SDK2: variants seen among roughly 807,000 people sequenced by gnomAD.
SDK2 encodes the protein protein sidekick-2.
In SDK2, 105 loss-of-function variants were observed where a neutral mutation model predicts 253.9. The ratio of observed to expected loss-of-function variants is 0.41; its 90% confidence interval spans 0.35 to 0.49. The LOEUF (loss-of-function observed/expected upper bound fraction) is 0.49. Ranked by LOEUF, SDK2 falls within the 20% of genes least tolerant of loss-of-function variation. The pLI is 0.06. For missense variants in SDK2, 2,608 were observed against 3,003.0 expected (o/e 0.87, Z 3.07); for synonymous variants, 1,249 against 1,234.9 (o/e 1.01, Z -0.24).
At chr17:73,485,441 CG>C (rs1300297354) in intron 2 of SDK2, among the ~76,000 whole-genome samples, 2 of 152,126 alleles carry the variant, frequency 1.3e-5, no homozygotes, top group Non-Finnish European at 2.9e-5. Flanking sequence ...GCTGGGATAA[CG>C]GGGAGGCTGG....
chr17:73,530,157 C>T (rs1045670056), intron 1 of SDK2, among the ~76,000 whole-genome samples: 1 of 152,166 alleles, frequency 6.6e-6, no homozygotes, highest in Non-Finnish European at 1.5e-5. Context: ...TTATGACAGT[C>T]CCCTCCTGCA....
chr17:73,370,031 C>T (rs975937184), intron 36 of SDK2, among the ~76,000 whole-genome samples: 2 of 152,182 alleles, frequency 1.3e-5, no homozygotes. Context: ...CCAGCTGGGC[C>T]CAGCCACGTG....
chr17:73,550,792 C>T (rs2045043125), intron 1 of SDK2, among the ~76,000 whole-genome samples: 1 of 152,180 alleles, frequency 6.6e-6, no homozygotes, highest in Admixed American at 6.5e-5. Flanking sequence ...ATCGGTGACA[C>T]AAGAGGCCTC....
intron 1 of SDK2, among the ~76,000 whole-genome samples, chr17:73,608,154 G>A (rs188562132): frequency 6.6e-6 from 1 of 152,214 alleles, no homozygotes; most frequent in Admixed American, 6.5e-5. Flanking sequence ...CCTTGGGACT[G>A]TGACAGTTTC....
At chr17:73,547,061 AG>A (rs1315797066) in intron 1 of SDK2, among the ~76,000 whole-genome samples, 3 of 152,224 alleles carry the variant, frequency 2.0e-5, no homozygotes, top group Non-Finnish European at 4.4e-5. Context: ...CCCCTGAGTC[AG>A]GGTGGTTGGT....
At chr17:73,503,054 G>A (rs1195546536) in intron 2 of SDK2, among the ~76,000 whole-genome samples, 2 of 152,318 alleles carry the variant, frequency 1.3e-5, no homozygotes, top group East Asian at 1.9e-4. Context: ...AACCCACATT[G>A]AGGGAAATTC....
intron 1 of SDK2, among the ~76,000 whole-genome samples, chr17:73,552,281 C>T (rs1442974918): frequency 6.6e-6 from 1 of 152,250 alleles, no homozygotes; most frequent in Non-Finnish European, 1.5e-5. Context: ...TTTAACGACA[C>T]ATTTTTTCAA....
chr17:73,526,533 C>T (rs1335670561), intron 1 of SDK2, among the ~76,000 whole-genome samples: 1 of 152,176 alleles, frequency 6.6e-6, no homozygotes, highest in Non-Finnish European at 1.5e-5. Flanking sequence ...TGGTGACGAT[C>T]AGAGTCCTAG....
chr17:73,387,896 C>T lies in SDK2; in HGVS notation c.4334G>A (p.Gly1445Asp). ...YTIQTRELPSGRWALHSASVS... is the reference protein window; with the variant it reads ...YTIQTRELPSDRWALHSASVS... ...GGAGGCCGAGTGCAGTGCCCACCTG[C>T]CGCTGGGCAGCTCGCGGGTCTGGAT... The change falls in exon 30 of 45, where the codon GGC becomes GAC. Residue 1445 changes from glycine to aspartate, a missense_variant. Physicochemically the swap from Gly to Asp is moderately conservative, Grantham distance 94 (BLOSUM62 -1). Coordinates refer to ENST00000392650, the MANE Select transcript of SDK2 (RefSeq NM_001144952.2). 1 of 1,592,708 alleles carries T rather than the reference C, an allele frequency of 6.3e-7. No individual in the cohort carries two copies. Among genetic ancestry groups the T allele is most frequent in the Non-Finnish European group, 8.5e-7 (1 of 1,170,406 alleles).
chr17:73,343,932 A>G (rs2062460975), intron 44 of SDK2, among the ~76,000 whole-genome samples: 1 of 152,152 alleles, frequency 6.6e-6, no homozygotes, highest in Non-Finnish European at 1.5e-5. Context: ...TGGAAGCAGG[A>G]GCCCCTCCCT....
intron 3 of SDK2, among the ~76,000 whole-genome samples, chr17:73,463,693 C>G (rs1368593384): frequency 6.6e-6 from 1 of 152,168 alleles, no homozygotes; most frequent in Non-Finnish European, 1.5e-5. Flanking sequence ...ATATAGTCTT[C>G]CGTGATTTGC....
intron 1 of SDK2, among the ~76,000 whole-genome samples, chr17:73,615,011 G>C (rs75987429): frequency 0.091 from 13,742 of 150,982 alleles, 700 homozygotes; most frequent in Middle Eastern, 0.13. Context: ...GTTTGTAAAG[G>C]CTGCTCCTAA....
chr17:73,520,743 C>T (rs751279492), intron 1 of SDK2: 2 of 152,364 alleles, frequency 1.3e-5, no homozygotes, highest in Non-Finnish European at 2.9e-5. Flanking sequence ...GCAGAAGCTT[C>T]AGGCAGGGCC....
rs761034315 is a variant in SDK2 at position 73,350,250 on chromosome 17, C to T, written c.6025G>A (p.Gly2009Ser). ...AGGGCCCAGTACCTGGTGTACAGGC[C>T]GTTCTTTCGGCAGAAAGAGTTCTTG... ...SVKNSFCRKN[G>S]LYTRSPPRPS... The change falls in exon 43 of 45, where the codon GGC (glycine) becomes AGC (serine). Residue 2009 changes from glycine (G) to serine (S), a missense_variant. Physicochemically the swap from Gly to Ser is moderately conservative, Grantham distance 56. Around this residue, in one of 2 missense-constraint regions of SDK2, gnomAD observed 1,103 missense variants for 1,143.9 expected, o/e 0.96. Coordinates refer to ENST00000392650, the MANE Select transcript of SDK2 (RefSeq NM_001144952.2). 25 of 1,597,314 alleles carry T rather than the reference C, an allele frequency of 1.6e-5. No homozygotes were observed. The highest frequency in any genetic ancestry group is 2.3e-5 in the East Asian group (1 of 44,332).
At chr17:73,605,851 C>A (rs372536113) in intron 1 of SDK2, among the ~76,000 whole-genome samples, 1 of 152,136 alleles carries the variant, frequency 6.6e-6, no homozygotes, top group African/African-American at 2.4e-5. Context: ...ACTGGCAGAT[C>A]GGTAGTCCCT....
At chr17:73,442,149 G>T (rs778637108) in intron 5 of SDK2, among the ~76,000 whole-genome samples, 18 of 152,238 alleles carry the variant, frequency 1.2e-4, no homozygotes, top group African/African-American at 1.7e-4. Context: ...AAAAGAGGAA[G>T]AGGCCAGAGC....
At chr17:73,386,657 G>T in intron 30 of SDK2, 109 bp from the exon 31 acceptor site, 1 of 744,484 alleles carries the variant, frequency 1.3e-6, no homozygotes, top group Non-Finnish European at 2.3e-6. Flanking sequence ...AAGGGGGCAG[G>T]GTGCCAGCCT....
At chr17:73,596,023 C>T (rs1001564874) in intron 1 of SDK2, among the ~76,000 whole-genome samples, 1 of 151,692 alleles carries the variant, frequency 6.6e-6, no homozygotes, top group East Asian at 1.9e-4. Context: ...GGCCTCGGCA[C>T]TCCCAGTCTT....
At chr17:73,424,141 G>A in intron 12 of SDK2, 49 bp from the exon 13 acceptor site, 1 of 1,515,362 alleles carries the variant, frequency 6.6e-7, no homozygotes, top group Non-Finnish European at 9.0e-7. Context: ...AAGGTACCTT[G>A]GGAGTGGGCC....
Sources: allele counts gnomAD v4.1 joint callset (sites outside exome capture counted in the v4.1 genomes callset), GRCh38; gene constraint gnomAD v4.1.1; regional missense constraint gnomAD v4.1.1; transcripts MANE v1.5; gene names NCBI Gene and HGNC (gene_info 2026-07-23, HGNC 2026-07-21).